The following CAMSAP2 variants were observed in gnomAD, a reference collection of about 807,000 sequenced individuals.
The protein encoded by CAMSAP2 is calmodulin-regulated spectrin-associated protein 2.
A neutral mutation model predicts 146.1 loss-of-function variants in CAMSAP2; 26 were observed. The observed-to-expected ratio is 0.18, with a 90% CI of 0.13 to 0.25. CAMSAP2 has a LOEUF of 0.25. CAMSAP2 is among the 10% of genes least tolerant of loss of function. The pLI is 1.00. For missense variants in CAMSAP2, 1,381 were observed against 1,759.3 expected (o/e 0.78, Z 3.85); for synonymous variants, 499 against 596.6 (o/e 0.84, Z 2.38).
chr1:200,797,036 T>C (rs1456951450), intron 2 of CAMSAP2, among the ~76,000 whole-genome samples: 19 of 152,250 alleles, frequency 1.2e-4, no homozygotes, highest in South Asian at 1.0e-3. Context: ...TTCCATGGCG[T>C]GTATGTGCCA....
In CAMSAP2 at chr1:200,848,109, G is replaced by A. The variant is rs1273986882; in HGVS notation, c.1340G>A (p.Gly447Glu). 6.2e-7 allele frequency: 1 copy of A among 1,609,998 alleles called. No homozygotes were observed. Among genetic ancestry groups the A allele is most frequent in the Non-Finnish European group, 8.5e-7 (1 of 1,177,734 alleles). ...GTACAGAGATCCACTCCAAACCGAG[G>A]AATCACTCGTTCTATTAGTAATGAA... ...DSVQRSTPNR[G>E]ITRSISNEGL... is the part of the protein sequence containing the mutation. The change falls in exon 11 of 17, where the codon GGA becomes GAA. Residue 447 changes from glycine (G) to glutamate (E), a missense_variant. This residue lies in a region of CAMSAP2 where 447 missense variants were observed against 462.2 expected (regional missense o/e 0.97). Transcript: ENST00000358823.
Position 200,847,703 on chromosome 1 carries a change from A to T in CAMSAP2, c.1256A>T (p.Glu419Val), listed in dbSNP as rs1394439280. 1.2e-6 allele frequency: 2 copies of T among 1,610,148 alleles called. No homozygotes were observed. Among genetic ancestry groups the T allele is most frequent in the Admixed American group, 3.3e-5 (2 of 59,826 alleles). ...GGCTTCATAGGGACATGGCCCAAAG[A>T]GAAAAGGTAAACAAAGAGAATTACT... ...VDGFIGTWPKEKRSSVHGVSF... is the reference protein window; with the variant it reads ...VDGFIGTWPKVKRSSVHGVSF... The change falls in exon 10 of 17, where the codon GAG (glutamate) becomes GTG (valine). Residue 419 changes from glutamate to valine, a missense_variant. Transcript: ENST00000358823.
intron 2 of CAMSAP2, among the ~76,000 whole-genome samples, chr1:200,770,590 A>G (rs1665088747): frequency 6.6e-6 from 1 of 151,764 alleles, no homozygotes; most frequent in African/African-American, 2.4e-5. Context: ...ATTTTTTTGT[A>G]TTTTTAGTAG....
intron 6 of CAMSAP2, among the ~76,000 whole-genome samples, chr1:200,839,467 C>A (rs1424694643): frequency 6.6e-6 from 1 of 151,958 alleles, no homozygotes; most frequent in African/African-American, 2.4e-5. Context: ...TGTTTAAAAG[C>A]CAAATAGGAA....
At chr1:200,792,640 CCGT>C (rs1665786276) in intron 2 of CAMSAP2, among the ~76,000 whole-genome samples, 1 of 152,282 alleles carries the variant, frequency 6.6e-6, no homozygotes, top group South Asian at 2.1e-4. Flanking sequence ...GCAAGAGACT[CCGT>C]CTCGGGCAGT....
chr1:200,839,832 C>A (rs1022920847), intron 6 of CAMSAP2, among the ~76,000 whole-genome samples: 4 of 152,088 alleles, frequency 2.6e-5, no homozygotes, highest in Non-Finnish European at 5.9e-5. Context: ...CCACCTGTTC[C>A]CCTAAACACC....
chr1:200,835,838 G>A (rs1368729406), intron 6 of CAMSAP2, among the ~76,000 whole-genome samples: 1 of 151,868 alleles, frequency 6.6e-6, no homozygotes, highest in Non-Finnish European at 1.5e-5. Context: ...AATCTCAAAG[G>A]AAAAAAACTG....
At chr1:200,788,352 G>A (rs779848799) in intron 2 of CAMSAP2, among the ~76,000 whole-genome samples, 56 of 152,198 alleles carry the variant, frequency 3.7e-4, no homozygotes, top group Admixed American at 1.4e-3. Flanking sequence ...TCTGTGTTTA[G>A]GTTTTTATGT....
At chr1:200,781,846 A>G (rs1665442178) in intron 2 of CAMSAP2, among the ~76,000 whole-genome samples, 1 of 152,148 alleles carries the variant, frequency 6.6e-6, no homozygotes, top group Admixed American at 6.5e-5. Flanking sequence ...CTGTAATCTC[A>G]TGATTACATC....
chr1:200,848,642 G>A lies in CAMSAP2; in HGVS notation c.1873G>A (p.Glu625Lys), dbSNP rs750792057. 3.7e-6 allele frequency: 6 copies of A among 1,614,130 alleles called. No homozygotes were observed. The South Asian group carries it at 4.4e-5, about 12-fold the overall frequency. ...AGAAGATATTCCTGAAACTATGGAC[G>A]AAGATTCTTCGTTGAGAGATTATAC... ...PSEDIPETMD[E>K]DSSLRDYTVS... is the part of the protein sequence containing the mutation. Residue 625 changes from glutamate to lysine, a missense_variant, in exon 11 of 17, where the codon GAA (glutamate) becomes AAA (lysine). This residue lies in a region of CAMSAP2 where 447 missense variants were observed against 462.2 expected (regional missense o/e 0.97). Transcript: ENST00000358823.
Position 200,848,987 on chromosome 1 carries a change from C to T in CAMSAP2, c.2218C>T (p.Arg740Trp), listed in dbSNP as rs1301967760. 1.1e-5 allele frequency: 18 copies of T among 1,613,936 alleles called. No homozygotes were observed. Among genetic ancestry groups the T allele is most frequent in the East Asian group, 6.7e-5 (3 of 44,894 alleles). ...IPEETGLPQG[R>W]DTTQLLASEM... ...AGAAGAAACAGGGCTTCCACAGGGA[C>T]GGGACACTACCCAGCTGTTGGCCTC... The change falls in exon 11 of 17, where the codon CGG becomes TGG. Residue 740 changes from arginine to tryptophan, a missense_variant. Arg to Trp is a moderately radical substitution (Grantham distance 101). Coordinates refer to ENST00000358823, the MANE Select transcript of CAMSAP2 (RefSeq NM_203459.4).
At chr1:200,788,768 A>G (rs1429536829) in intron 2 of CAMSAP2, among the ~76,000 whole-genome samples, 1 of 150,880 alleles carries the variant, frequency 6.6e-6, no homozygotes, top group Non-Finnish European at 1.5e-5. Flanking sequence ...CAGCTACCCA[A>G]GTAGCTGGGA....
rs906673217 is a variant in CAMSAP2 at position 200,739,549 on chromosome 1, G to A, written c.-279G>A. ...GCTCGCGGGGCGGGTGGCTCGGAGG[G>A]GCGCGGGCACGGGGCGGACCTCGCG... On this transcript the variant is annotated 5_prime_UTR_variant, in exon 1 of 17. Coordinates refer to ENST00000358823, the MANE Select transcript of CAMSAP2 (RefSeq NM_203459.4). The surrounding 1 kb of genome is among the most constrained non-coding windows in gnomAD (Gnocchi z 4.8). 4 of 178,246 alleles carry A rather than the reference G, an allele frequency of 2.2e-5. No individual in the cohort carries two copies. The highest frequency in any genetic ancestry group is 4.6e-5 in the Non-Finnish European group (4 of 86,202). The allele number at this position is 178,246 out of a possible 1,614,324, so 11.0% of individuals were successfully genotyped here. A position where few individuals can be genotyped will look rare whatever the true frequency, so the allele number is the denominator to read the frequency against.
intron 2 of CAMSAP2, among the ~76,000 whole-genome samples, chr1:200,761,735 C>CAAAA (rs34309759): frequency 9.7e-6 from 1 of 102,756 alleles, no homozygotes; most frequent in African/African-American, 3.3e-5. Flanking sequence ...AACTCTGTCT[C>CAAAA]AAAAAAAAAA....
chr1:200,826,446 A>T (rs572689307), intron 4 of CAMSAP2, among the ~76,000 whole-genome samples: 1 of 151,572 alleles, frequency 6.6e-6, no homozygotes, highest in Admixed American at 6.6e-5. Flanking sequence ...AAAAAAAAAG[A>T]TTAAATCTAA....
chr1:200,825,239 A>G (rs958274550), intron 4 of CAMSAP2, among the ~76,000 whole-genome samples: 2 of 152,164 alleles, frequency 1.3e-5, no homozygotes, highest in African/African-American at 4.8e-5. Context: ...GAACATTGAC[A>G]TAATTCCAAA....
rs67551824 is a variant in CAMSAP2 at position 200,853,000 on chromosome 1, TACACACAC to T, written c.3603-252_3603-245del. ...ACATTAAAATAACTTTCCTGGGAGA[TACACACAC>T]ACACACACACACACACACACACGAC... is the stretch of plus-strand genomic sequence containing the variant. On this transcript the variant is annotated intron_variant, in intron 12 of 16. Transcript: ENST00000358823. Among the ~76,000 whole-genome samples, 102 of 147,416 alleles carry T rather than the reference TACACACAC, an allele frequency of 6.9e-4. 1 individual carries two copies. Among genetic ancestry groups the T allele is most frequent in the Middle Eastern group, 6.8e-3 (2 of 292 alleles).
intron 1 of CAMSAP2, among the ~76,000 whole-genome samples, chr1:200,744,658 G>T (rs187207180): frequency 6.6e-6 from 1 of 152,190 alleles, no homozygotes; most frequent in Non-Finnish European, 1.5e-5. Flanking sequence ...GTTAGGATGC[G>T]GTGGGGTGGC....
intron 2 of CAMSAP2, among the ~76,000 whole-genome samples, chr1:200,807,054 G>T (rs915072631): frequency 6.6e-6 from 1 of 152,154 alleles, no homozygotes; most frequent in African/African-American, 2.4e-5. Flanking sequence ...GACTGTCAAA[G>T]ATGGTTCTGA....
Sources: gnomAD v4.1 joint callset for allele counts (sites outside exome capture counted in the v4.1 genomes callset) on GRCh38, gnomAD v4.1.1 for gene constraint, gnomAD v4.1.1 regional missense constraint, Gnocchi (gnomAD v3.1) non-coding constraint, MANE v1.5 for transcripts, NCBI Gene and HGNC (gene_info 2026-07-23, HGNC 2026-07-21) for gene names.